Variants in PLCH1 observed in about 807,000 individuals in gnomAD.
PLCH1 encodes 1-phosphatidylinositol 4,5-bisphosphate phosphodiesterase eta-1.
A neutral mutation model predicts 126.7 loss-of-function variants in PLCH1; 60 were observed. The observed-to-expected ratio is 0.47, with a 90% CI of 0.38 to 0.59. PLCH1 has a LOEUF of 0.59. Among genes scored for constraint, PLCH1 ranks in the 20% least tolerant of loss-of-function variants. The pLI is 0.00. For missense variants in PLCH1, 1,723 were observed against 2,040.0 expected (o/e 0.84, Z 2.99); for synonymous variants, 719 against 734.9 (o/e 0.98, Z 0.35).
At chr3:155,687,326 A>C (rs1745029618) in intron 2 of PLCH1, among the ~76,000 whole-genome samples, 2 of 152,206 alleles carry the variant, frequency 1.3e-5, no homozygotes, top group Non-Finnish European at 2.9e-5. Context: ...AATTTTGTTA[A>C]AGACCTTGGA....
In PLCH1 at chr3:155,731,844, A is replaced by G. The variant is rs566828871; in HGVS notation, c.-41+12996T>C. 2.6e-5 allele frequency among the ~76,000 whole-genome samples: 4 copies of G among 152,166 alleles called. No homozygotes were observed. The East Asian group carries it at 7.7e-4, about 29-fold the overall frequency. On this transcript the variant is annotated intron_variant, in intron 1 of 22. Transcript: ENST00000460012. The stretch of plus-strand genomic sequence containing the variant: ...CAGAAAATACAAAAATTAGCCAAGC[A>G]TGGCGGCACACACCTATAGTCCCAG...
chr3:155,629,250 A>T (rs534035674), intron 2 of PLCH1, among the ~76,000 whole-genome samples: 1 of 152,332 alleles, frequency 6.6e-6, no homozygotes, highest in African/African-American at 2.4e-5. Context: ...ATTCTCAGTT[A>T]TCTGAAATTC....
At chr3:155,553,999 GT>G (rs1458104464) in intron 9 of PLCH1, 76 bp downstream of exon 9, 3 of 1,442,450 alleles carry the variant, frequency 2.1e-6, no homozygotes, top group Non-Finnish European at 1.9e-6. Context: ...AGAGGATGTG[GT>G]TTTGTAGCTA....
chr3:155,662,645 T>C (rs1235042666), intron 2 of PLCH1, among the ~76,000 whole-genome samples: 1 of 151,966 alleles, frequency 6.6e-6, no homozygotes, highest in Non-Finnish European at 1.5e-5. Context: ...TATTATTGCC[T>C]TTCAGGTTTA....
intron 2 of PLCH1, among the ~76,000 whole-genome samples, chr3:155,695,318 T>C (rs868770290): frequency 1.3e-5 from 2 of 152,230 alleles, no homozygotes; most frequent in Non-Finnish European, 1.5e-5. Flanking sequence ...ACTTGGATTC[T>C]CATTGGTCTT....
At chr3:155,489,130 G>A (rs115097545) in intron 19 of PLCH1, among the ~76,000 whole-genome samples, 119 of 152,254 alleles carry the variant, frequency 7.8e-4, no homozygotes, top group African/African-American at 2.9e-3. Flanking sequence ...AGTGATCTAA[G>A]AATAATGTTT....
intron 21 of PLCH1, among the ~76,000 whole-genome samples, chr3:155,472,476 C>A (rs1365415875): frequency 1.3e-5 from 2 of 151,734 alleles, no homozygotes. Context: ...CAGATGGATT[C>A]ACAGCCGAAT....
rs150732591 is a variant in PLCH1 at position 155,484,692 on chromosome 3, G to A, written c.2974+664C>T. Among the ~76,000 whole-genome samples the A allele has an allele frequency of 1.7e-4, 26 of 152,234 alleles. No homozygotes were observed. In the East Asian group the frequency reaches 4.2e-3, roughly 25 times the overall value. On this transcript the variant is annotated intron_variant, in intron 22 of 22. Coordinates refer to ENST00000460012, the MANE Select transcript of PLCH1 (RefSeq NM_014996.4). ...AAAATTCTCTGGCACACTGCAAGGCGGTCTTCACTCTTTATTGAGCTCCTG... is the reference window on the plus strand; with the variant it reads ...AAAATTCTCTGGCACACTGCAAGGCAGTCTTCACTCTTTATTGAGCTCCTG...
intron 2 of PLCH1, among the ~76,000 whole-genome samples, chr3:155,677,089 G>C (rs1227690352): frequency 6.6e-6 from 1 of 152,154 alleles, no homozygotes; most frequent in Admixed American, 6.5e-5. Context: ...CTCTCATCCT[G>C]AGTATTAACT....
intron 1 of PLCH1, among the ~76,000 whole-genome samples, chr3:155,713,250 T>G (rs78992787): frequency 0.016 from 2,485 of 152,150 alleles, 26 homozygotes; most frequent in South Asian, 0.039. Flanking sequence ...AACTCTACTA[T>G]GAACCAAGGA....
intron 1 of PLCH1, among the ~76,000 whole-genome samples, chr3:155,705,975 C>T (rs965316633): frequency 1.4e-5 from 2 of 142,324 alleles, no homozygotes; most frequent in Non-Finnish European, 3.1e-5. Context: ...AGAGATCGAG[C>T]CCAGCCTGGC....
chr3:155,707,949 A>G (rs371656778), intron 1 of PLCH1, among the ~76,000 whole-genome samples: 1 of 152,140 alleles, frequency 6.6e-6, no homozygotes, highest in African/African-American at 2.4e-5. Flanking sequence ...GTAACATGCC[A>G]CTGCCTTCAT....
At chr3:155,663,517 GA>G (rs1742404156) in intron 2 of PLCH1, among the ~76,000 whole-genome samples, 1 of 152,150 alleles carries the variant, frequency 6.6e-6, no homozygotes, top group South Asian at 2.1e-4. Flanking sequence ...TAGCTGTAGA[GA>G]CTTCTGCTCC....
At chr3:155,727,474 C>T (rs950064862) in intron 1 of PLCH1, among the ~76,000 whole-genome samples, 74 of 151,658 alleles carry the variant, frequency 4.9e-4, no homozygotes, top group African/African-American at 1.7e-3. Flanking sequence ...TGCAACCTCC[C>T]CCTCCTGGGC....
chr3:155,482,036 A>T lies in PLCH1; in HGVS notation c.3990T>A (p.Asp1330Glu). The T allele has an allele frequency of 6.2e-7, 1 of 1,614,180 alleles. No individual in the cohort carries two copies. Among genetic ancestry groups the T allele is most frequent in the Non-Finnish European group, 8.5e-7 (1 of 1,180,026 alleles). ...LKSCSPASSP[D>E]LTLEDVIADP... Reference sequence around the variant, plus strand: ...CAGCTATTACATCCTCCAGGGTCAAATCAGGGGAAGAGGCAGGGCTGCAGC... The same window carrying T: ...CAGCTATTACATCCTCCAGGGTCAATTCAGGGGAAGAGGCAGGGCTGCAGC... Residue 1330 changes from aspartate to glutamate, a missense_variant, in exon 23 of 23, where the codon GAT (aspartate) becomes GAA (glutamate). This residue lies in a region of PLCH1 where 947 missense variants were observed against 977.1 expected (regional missense o/e 0.97). Coordinates refer to ENST00000460012, the MANE Select transcript of PLCH1 (RefSeq NM_014996.4).
At chr3:155,604,617 C>T (rs1734138968) in intron 2 of PLCH1, among the ~76,000 whole-genome samples, 1 of 152,160 alleles carries the variant, frequency 6.6e-6, no homozygotes, top group African/African-American at 2.4e-5. Flanking sequence ...AACCCTTCCA[C>T]ATAACACTTT....
intron 2 of PLCH1, among the ~76,000 whole-genome samples, chr3:155,634,244 C>T (rs1005736): frequency 0.29 from 44,487 of 152,104 alleles, 7,041 homozygotes; most frequent in East Asian, 0.44. Context: ...CTGGCCTTCA[C>T]AGCCCCTCCA....
chr3:155,463,846 T>A (rs1055165558), intron 21 of PLCH1, among the ~76,000 whole-genome samples: 9 of 152,142 alleles, frequency 5.9e-5, no homozygotes, highest in African/African-American at 2.2e-4. Flanking sequence ...TGGAACAAGA[T>A]CCTGTGCTTC....
intron 10 of PLCH1, among the ~76,000 whole-genome samples, chr3:155,533,488 G>T (rs1560123028): frequency 6.6e-6 from 1 of 152,236 alleles, no homozygotes; most frequent in Non-Finnish European, 1.5e-5. Flanking sequence ...GGAGGTTGCA[G>T]TAAGCTGAGA....
Sources: gnomAD v4.1 joint callset for allele counts (sites outside exome capture counted in the v4.1 genomes callset) on GRCh38, gnomAD v4.1.1 for gene constraint, gnomAD v4.1.1 regional missense constraint, MANE v1.5 for transcripts, NCBI Gene and HGNC (gene_info 2026-07-23, HGNC 2026-07-21) for gene names.